PALD1: variants seen among roughly 807,000 people sequenced by gnomAD.
PALD1 encodes phosphatase domain containing paladin 1, also known as paladin.
A neutral mutation model predicts 96.0 loss-of-function variants in PALD1; 57 were observed. That is an observed-to-expected ratio of 0.59 (90% CI 0.48 to 0.74). The LOEUF is 0.74. Among genes scored for constraint, PALD1 ranks in the 30% least tolerant of loss-of-function variants. PALD1 has a pLI of 0.00. For missense variants in PALD1, 1,063 were observed against 1,143.7 expected (o/e 0.93, Z 1.02); for synonymous variants, 464 against 473.6 (o/e 0.98, Z 0.26).
In PALD1 at chr10:70,547,449, GA is replaced by G; in HGVS notation, c.2262+4del. The stretch of plus-strand genomic sequence containing the variant: ...TCATCATCTGCACCTACCGCCAGGT[GA>G]GCCCCCACCCCACCCCACCCCACCC... On this transcript the variant is annotated splice_donor_region_variant and intron_variant, in intron 18 of 19. Coordinates refer to ENST00000263563, the MANE Select transcript of PALD1 (RefSeq NM_014431.3). 6.3e-7 allele frequency: 1 copy of G among 1,594,224 alleles called. No homozygotes were observed. Among genetic ancestry groups the G allele is most frequent in the Non-Finnish European group, 8.5e-7 (1 of 1,170,536 alleles).
intron 1 of PALD1, among the ~76,000 whole-genome samples, chr10:70,513,237 G>T (rs1015715739): frequency 1.3e-5 from 2 of 152,204 alleles, no homozygotes; most frequent in African/African-American, 2.4e-5. Flanking sequence ...GCTTATGCCT[G>T]TAATCTCACC....
At chr10:70,521,151 G>T (rs1017067968) in intron 1 of PALD1, among the ~76,000 whole-genome samples, 3 of 152,188 alleles carry the variant, frequency 2.0e-5, no homozygotes, top group Non-Finnish European at 4.4e-5. Flanking sequence ...CCCTGACTGT[G>T]TATTGGAAGC....
chr10:70,525,893 T>A, intron 1 of PALD1, 30 bp from the exon 2 acceptor site: 1 of 1,581,818 alleles, frequency 6.3e-7, no homozygotes, highest in Non-Finnish European at 8.7e-7. Flanking sequence ...TCCCATCCCC[T>A]CCTTCACTGC....
chr10:70,481,345 A>G (rs1218391998), intron 1 of PALD1, among the ~76,000 whole-genome samples: 1 of 152,110 alleles, frequency 6.6e-6, no homozygotes, highest in Non-Finnish European at 1.5e-5. Flanking sequence ...CAGTGCCCGG[A>G]AGTTGTCCTG....
At chr10:70,556,342 G>A (rs1589218883) in intron 18 of PALD1, among the ~76,000 whole-genome samples, 1 of 149,458 alleles carries the variant, frequency 6.7e-6, no homozygotes, top group African/African-American at 2.5e-5. Context: ...TTGAGATGGG[G>A]TCTTGCTCTG....
At chr10:70,556,564 C>T (rs1416692685) in intron 18 of PALD1, among the ~76,000 whole-genome samples, 4 of 152,112 alleles carry the variant, frequency 2.6e-5, no homozygotes, top group Non-Finnish European at 2.9e-5. Flanking sequence ...GTCATCCTCT[C>T]GCCTCAGCCT....
chr10:70,466,290 G>A, the PALD1 span, among the ~76,000 whole-genome samples: 1 of 151,826 alleles, frequency 6.6e-6, no homozygotes, highest in Non-Finnish European at 1.5e-5. Flanking sequence ...CTGTCGCTCA[G>A]GCTGGAGTGT....
chr10:70,462,765 T>TG, the PALD1 span, among the ~76,000 whole-genome samples: 1 of 152,198 alleles, frequency 6.6e-6, no homozygotes, highest in Non-Finnish European at 1.5e-5. Flanking sequence ...AGCAGGTGAC[T>TG]GGGCCTGCAG....
chr10:70,551,080 C>T (rs557454282), intron 18 of PALD1, among the ~76,000 whole-genome samples: 3 of 152,268 alleles, frequency 2.0e-5, no homozygotes, highest in African/African-American at 7.2e-5. Context: ...TGAGAGGCAA[C>T]GATCTTCACT....
the PALD1 span, among the ~76,000 whole-genome samples, chr10:70,461,405 C>T: frequency 7.2e-5 from 11 of 152,370 alleles, no homozygotes; most frequent in East Asian, 9.6e-4. Flanking sequence ...GTCTGCCACC[C>T]CCACCAGATG....
rs568185074 is a variant in PALD1 at position 70,541,457 on chromosome 10, C to T, written c.2050-6C>T. 10 of 1,613,388 alleles carry T rather than the reference C, an allele frequency of 6.2e-6. No homozygotes were observed. In the African/African-American group the frequency reaches 1.2e-4, roughly 19 times the overall value. ...GGCTTCTGTCTCAGCAGCTGTCTTC[C>T]CTCAGGGCTTCCCCGAGGTGGGTGA... is the stretch of plus-strand genomic sequence containing the variant. On this transcript the variant is annotated splice_region_variant and splice_polypyrimidine_tract_variant and intron_variant, in intron 16 of 19. Transcript: ENST00000263563.
At chr10:70,548,603 G>C (rs1477363895) in intron 18 of PALD1, among the ~76,000 whole-genome samples, 5 of 152,248 alleles carry the variant, frequency 3.3e-5, no homozygotes, top group Middle Eastern at 3.4e-3. Context: ...TAGGGGGTGA[G>C]GATTCCATGG....
intron 1 of PALD1, among the ~76,000 whole-genome samples, chr10:70,510,678 C>T (rs1000522661): frequency 1.3e-4 from 20 of 152,320 alleles, no homozygotes; most frequent in African/African-American, 4.1e-4. Flanking sequence ...TCTCGCTTCC[C>T]AGGGACTTCC....
chr10:70,459,156 G>C, the PALD1 span, among the ~76,000 whole-genome samples: 1 of 146,442 alleles, frequency 6.8e-6, no homozygotes, highest in Non-Finnish European at 1.5e-5. Flanking sequence ...TTTGTCCATC[G>C]CTCACTGGGA....
Position 70,564,464 on chromosome 10 carries a change from T to A in PALD1, c.2363T>A (p.Leu788His), listed in dbSNP as rs1466430555. The change falls in exon 19 of 20, where the codon CTC (leucine) becomes CAC (histidine). Residue 788 changes from leucine to histidine, a missense_variant. By Grantham distance (99) the Leu-to-His change is moderately conservative (BLOSUM62 -3). Transcript: ENST00000263563. ...TGCCTGATTCTCTTCAACGCGTACC[T>A]CCACCTGGAGAAGGCCGACTCCTGG... ...YVCLILFNAY[L>H]HLEKADSWQR... 2.5e-6 allele frequency: 4 copies of A among 1,614,082 alleles called. No homozygotes were observed. In the Middle Eastern group the frequency reaches 4.9e-4, roughly 200 times the overall value.
At position 70,547,894 on chromosome 10, in the gene PALD1, C is replaced by T. The variant is rs566342042; in HGVS notation, c.2262+448C>T. ...TGGGGTGGCTGTTTCACAACTAGCACGGAGGCTGTCATCTCAGGACGTGGG... is the reference window on the plus strand; with the variant it reads ...TGGGGTGGCTGTTTCACAACTAGCATGGAGGCTGTCATCTCAGGACGTGGG... On this transcript the variant is annotated intron_variant, in intron 18 of 19. Transcript: ENST00000263563. Among the ~76,000 whole-genome samples the T allele has an allele frequency of 1.3e-4, 20 of 152,208 alleles. No homozygotes were observed. The East Asian group carries it at 3.7e-3, about 28-fold the overall frequency.
the PALD1 span, among the ~76,000 whole-genome samples, chr10:70,460,778 G>A: frequency 1.3e-5 from 2 of 152,190 alleles, no homozygotes; most frequent in African/African-American, 4.8e-5. Flanking sequence ...GCTCCAGGCC[G>A]GGCCAGGTGG....
rs112460865 is a variant in PALD1 at position 70,493,685 on chromosome 10, C to T, written c.-30+14626C>T. 6.7e-3 allele frequency among the ~76,000 whole-genome samples: 1,017 copies of T among 152,288 alleles called. 12 individuals are homozygous for T. The highest frequency in any genetic ancestry group is 0.023 in the African/African-American group (964 of 41,550). ...TCAGGCCAAACACTGCAAAGCTGTC[C>T]GTGGTTTCTCTCTTTCTCTTACACT... On this transcript the variant is annotated intron_variant, in intron 1 of 19. Coordinates refer to ENST00000263563, the MANE Select transcript of PALD1 (RefSeq NM_014431.3).
chr10:70,494,163 C>G (rs564712617), intron 1 of PALD1, among the ~76,000 whole-genome samples: 1 of 152,346 alleles, frequency 6.6e-6, no homozygotes, highest in African/African-American at 2.4e-5. Context: ...CAGAGAGCCA[C>G]AGGGCTGCCT....
Sources: gnomAD v4.1 joint callset for allele counts (sites outside exome capture counted in the v4.1 genomes callset) on GRCh38, gnomAD v4.1.1 for gene constraint, MANE v1.5 for transcripts, NCBI Gene and HGNC (gene_info 2026-07-23, HGNC 2026-07-21) for gene names.